Variants in PLEKHH2 observed in about 807,000 individuals in gnomAD.
PLEKHH2 encodes the protein pleckstrin homology, MyTH4 and FERM domain containing H2.
In PLEKHH2, 129 loss-of-function variants were observed where a neutral mutation model predicts 187.9. The observed-to-expected ratio is 0.69, with a 90% confidence interval of 0.59 to 0.79. PLEKHH2 has a LOEUF of 0.79. PLEKHH2 is among the 30% of genes least tolerant of loss of function. PLEKHH2 has a pLI of 0.00. For synonymous variants in PLEKHH2, 686 were observed against 605.6 expected, an observed-to-expected ratio of 1.13 and a Z score of -1.95; for missense variants, 2,076 against 1,751.2, an observed-to-expected ratio of 1.19 and a Z score of -3.31.
At chr2:43,710,440 A>T (rs781548637) in intron 13 of PLEKHH2, 49 bp from the exon 14 acceptor site, 34 of 1,585,944 alleles carry the variant, frequency 2.1e-5, no homozygotes, top group Non-Finnish European at 2.7e-5. Flanking sequence ...ATTCCTTATT[A>T]TTACTGTTAA....
chr2:43,735,426 A>T (rs1479860990), intron 19 of PLEKHH2, among the ~76,000 whole-genome samples: 1 of 152,150 alleles, frequency 6.6e-6, no homozygotes, highest in African/African-American at 2.4e-5. Flanking sequence ...GAGGCTGGGT[A>T]GTAGGGGGTG....
At position 43,712,508 on chromosome 2, in the gene PLEKHH2, G is replaced by A. The variant is rs186103457; in HGVS notation, c.2460+125G>A. The A allele has an allele frequency of 1.1e-4, 131 of 1,172,716 alleles. No homozygotes were observed. The African/African-American group carries it at 1.7e-3, about 16-fold the overall frequency. The allele number at this position is 1,172,716 out of a possible 1,614,324, so 72.6% of individuals were successfully genotyped here. A position where few individuals can be genotyped will look rare whatever the true frequency, so the allele number is the denominator to read the frequency against. Reference sequence around the variant, plus strand: ...TGATATGATCTTGGGGATAGGAAAGGGTGTTTTTAAGTATGATGCCCAAGG... The same window carrying A: ...TGATATGATCTTGGGGATAGGAAAGAGTGTTTTTAAGTATGATGCCCAAGG... On this transcript the variant is annotated intron_variant, in intron 15 of 29. Transcript: ENST00000282406.
At chr2:43,683,313 A>G (rs1668327106) in intron 3 of PLEKHH2, among the ~76,000 whole-genome samples, 1 of 151,306 alleles carries the variant, frequency 6.6e-6, no homozygotes, top group South Asian at 2.1e-4. Context: ...CTCATTTTGT[A>G]TTTTTAGTAG....
In PLEKHH2 at chr2:43,682,939, T is replaced by TATAC. The variant is rs1553336233; in HGVS notation, c.186+4015_186+4016insTACA. 5.3e-4 allele frequency among the ~76,000 whole-genome samples: 80 copies of TATAC among 149,852 alleles called. 1 individual carries two copies. Among genetic ancestry groups the TATAC allele is most frequent in the South Asian group, 1.7e-3 (8 of 4,722 alleles). The stretch of plus-strand genomic sequence containing the variant: ...TTATGGCTGAATAATGTTCCATATA[T>TATAC]ACACACACACACACACACACACAAT... On this transcript the variant is annotated intron_variant, in intron 3 of 29. Coordinates refer to ENST00000282406, the MANE Select transcript of PLEKHH2 (RefSeq NM_172069.4).
At chr2:43,656,287 T>A (rs1438096106) in intron 2 of PLEKHH2, among the ~76,000 whole-genome samples, 1 of 152,190 alleles carries the variant, frequency 6.6e-6, no homozygotes, top group Non-Finnish European at 1.5e-5. Flanking sequence ...GCATTTTTTT[T>A]GCCTCAAAAC....
intron 28 of PLEKHH2, among the ~76,000 whole-genome samples, chr2:43,763,574 C>G (rs1672511029): frequency 6.7e-6 from 1 of 150,366 alleles, no homozygotes; most frequent in African/African-American, 2.5e-5. Flanking sequence ...CATGTACTAC[C>G]ATGCCCGGCT....
intron 27 of PLEKHH2, among the ~76,000 whole-genome samples, 194 bp from the exon 28 acceptor site, chr2:43,762,109 AG>A (rs1353211512): frequency 6.6e-6 from 1 of 152,218 alleles, no homozygotes; most frequent in Non-Finnish European, 1.5e-5. Context: ...TGGGTCTCAA[AG>A]CTAGGTCTCC....
chr2:43,722,865 A>G (rs565636861), intron 16 of PLEKHH2, among the ~76,000 whole-genome samples: 1 of 152,364 alleles, frequency 6.6e-6, no homozygotes, highest in South Asian at 2.1e-4. Flanking sequence ...GAATGGATAC[A>G]TAAACAGAAA....
chr2:43,711,277 C>A, intron 14 of PLEKHH2: 1 of 985,354 alleles, frequency 1.0e-6, no homozygotes, highest in Non-Finnish European at 1.2e-6. Context: ...ATCAATGTTT[C>A]CAGTGATTTG....
intron 19 of PLEKHH2, among the ~76,000 whole-genome samples, chr2:43,736,060 A>G (rs1572640658): frequency 6.6e-6 from 1 of 150,498 alleles, no homozygotes; most frequent in South Asian, 2.2e-4. Flanking sequence ...AAAGTTTGTT[A>G]TTATTATTAT....
chr2:43,711,451 C>T (rs951877305), intron 14 of PLEKHH2: 64 of 971,698 alleles, frequency 6.6e-5, no homozygotes, highest in Non-Finnish European at 7.1e-5. Context: ...ATCACATGTT[C>T]GTTCCAATAA....
At chr2:43,651,047 G>A (rs1426185126) in intron 2 of PLEKHH2, among the ~76,000 whole-genome samples, 2 of 152,128 alleles carry the variant, frequency 1.3e-5, no homozygotes, top group Admixed American at 6.5e-5. Context: ...AATGTGAAGT[G>A]TTCAGAATTT....
At chr2:43,672,288 A>G (rs1267542055) in intron 2 of PLEKHH2, among the ~76,000 whole-genome samples, 2 of 152,126 alleles carry the variant, frequency 1.3e-5, no homozygotes, top group African/African-American at 4.8e-5. Context: ...TGGTCTGGTT[A>G]GAGAGCTATC....
chr2:43,698,422 A>AT (rs529360083), intron 7 of PLEKHH2, among the ~76,000 whole-genome samples: 16 of 151,850 alleles, frequency 1.1e-4, no homozygotes, highest in Admixed American at 9.8e-4. Context: ...TAATTTTTGT[A>AT]TTTTTTGTAG....
chr2:43,762,491 C>G, intron 28 of PLEKHH2, 101 bp downstream of exon 28: 2 of 881,614 alleles, frequency 2.3e-6, no homozygotes, highest in South Asian at 3.1e-5. Flanking sequence ...TTTTCTCTTA[C>G]CCAGGAAACA....
intron 3 of PLEKHH2, chr2:43,681,102 G>C: frequency 1.9e-6 from 2 of 1,028,552 alleles, no homozygotes; most frequent in Non-Finnish European, 2.9e-6. Context: ...ACCAACTCCA[G>C]AATTACTATG....
At position 43,717,454 on chromosome 2, in the gene PLEKHH2, G is replaced by T. The variant is rs1413698354; in HGVS notation, c.2461-3215G>T. Among the ~76,000 whole-genome samples, 3 of 151,852 alleles carry T rather than the reference G, an allele frequency of 2.0e-5. No homozygotes were observed. In the East Asian group the frequency reaches 5.8e-4, roughly 30 times the overall value. ...CAAACAAACAAACAAACAAACCCAA[G>T]AATAGGAGTGTGGTAAGTGAGAGGG... On this transcript the variant is annotated intron_variant, in intron 15 of 29. Transcript: ENST00000282406.
chr2:43,753,933 T>C (rs1405561485), intron 25 of PLEKHH2, among the ~76,000 whole-genome samples, 173 bp downstream of exon 25: 1 of 152,112 alleles, frequency 6.6e-6, no homozygotes, highest in African/African-American at 2.4e-5. Flanking sequence ...CTGCTGACAA[T>C]TGCAATGATG....
intron 9 of PLEKHH2, among the ~76,000 whole-genome samples, chr2:43,704,714 T>C (rs1669566264): frequency 2.7e-5 from 4 of 150,626 alleles, no homozygotes; most frequent in Non-Finnish European, 5.9e-5. Flanking sequence ...TTATGTTCTG[T>C]GTTTTTTCCC....
Sources: gnomAD v4.1 joint callset for allele counts (sites outside exome capture counted in the v4.1 genomes callset) on GRCh38, gnomAD v4.1.1 for gene constraint, MANE v1.5 for transcripts, NCBI Gene and HGNC (gene_info 2026-07-23, HGNC 2026-07-21) for gene names.